Variants in CNTN3 observed in about 807,000 individuals in gnomAD.
CNTN3 encodes contactin 3.
A neutral mutation model predicts 119.1 loss-of-function variants in CNTN3; 60 were observed. The observed-to-expected ratio is 0.50, with a 90% CI of 0.41 to 0.62. The LOEUF (loss-of-function observed/expected upper bound fraction) is 0.62, where lower values mean the gene tolerates loss of function less well. CNTN3 is among the 20% of genes least tolerant of loss of function. The pLI is 0.00. For missense variants in CNTN3, 1,101 were observed against 1,242.4 expected (o/e 0.89, Z 1.71); for synonymous variants, 450 against 438.7 (o/e 1.03, Z -0.32).
At chr3:74,586,489 C>G (rs1251124608) in intron 1 of CNTN3, among the ~76,000 whole-genome samples, 2 of 152,070 alleles carry the variant, frequency 1.3e-5, no homozygotes, top group African/African-American at 4.8e-5. Context: ...TTAAGAAACT[C>G]TATCAAGTGA....
At chr3:74,434,391 T>C (rs1701833132) in intron 4 of CNTN3, among the ~76,000 whole-genome samples, 1 of 152,216 alleles carries the variant, frequency 6.6e-6, no homozygotes, top group Non-Finnish European at 1.5e-5. Context: ...CTCTCTTTTG[T>C]CTTCCTTACA....
rs932165629 is a variant in CNTN3 at position 74,433,399 on chromosome 3, C to G, written c.359-8459G>C. On this transcript the variant is annotated intron_variant, in intron 4 of 22. Transcript: ENST00000263665. The stretch of plus-strand genomic sequence containing the variant: ...TTTTTCCTTAAGCCTGAGCCTTTTG[C>G]GAGATTTTAAAACAGGTGTGCATTG... 3.3e-5 allele frequency among the ~76,000 whole-genome samples: 5 copies of G among 152,028 alleles called. No homozygotes were observed. The East Asian group carries it at 7.7e-4, about 23-fold the overall frequency.
intron 11 of CNTN3, among the ~76,000 whole-genome samples, chr3:74,349,313 T>C (rs1347138041): frequency 2.0e-5 from 3 of 152,164 alleles, no homozygotes; most frequent in African/African-American, 7.2e-5. Context: ...ATGATACTAC[T>C]GAATATATAA....
At chr3:74,606,907 C>T (rs545946206) in intron 1 of CNTN3, among the ~76,000 whole-genome samples, 1 of 152,168 alleles carries the variant, frequency 6.6e-6, no homozygotes, top group African/African-American at 2.4e-5. Flanking sequence ...GAAACAACAG[C>T]GCAATACATT....
At chr3:74,574,104 T>C (rs1704376725) in intron 1 of CNTN3, among the ~76,000 whole-genome samples, 2 of 152,228 alleles carry the variant, frequency 1.3e-5, no homozygotes, top group Non-Finnish European at 2.9e-5. Context: ...AAATGGAATA[T>C]TATTCAGCCA....
chr3:74,547,711 G>A (rs1703935014), intron 1 of CNTN3, among the ~76,000 whole-genome samples: 1 of 152,052 alleles, frequency 6.6e-6, no homozygotes, highest in East Asian at 1.9e-4. Flanking sequence ...GTACACTATA[G>A]ATATTAATTC....
intron 11 of CNTN3, among the ~76,000 whole-genome samples, chr3:74,342,923 C>T (rs751383837): frequency 3.9e-5 from 6 of 152,082 alleles, no homozygotes; most frequent in Non-Finnish European, 8.8e-5. Context: ...AATACTCAGA[C>T]GCACGAAGTA....
intron 4 of CNTN3, among the ~76,000 whole-genome samples, chr3:74,461,196 C>T (rs1023540406): frequency 6.6e-6 from 1 of 151,628 alleles, no homozygotes; most frequent in Non-Finnish European, 1.5e-5. Flanking sequence ...TGGGATAAAC[C>T]CTATTTGAAC....
At chr3:74,329,018 A>C (rs188047913) in intron 13 of CNTN3, among the ~76,000 whole-genome samples, 4 of 152,320 alleles carry the variant, frequency 2.6e-5, no homozygotes, top group Admixed American at 2.6e-4. Context: ...TTGGGGAATG[A>C]GTGCTTTCCT....
rs375507193 is a variant in CNTN3, at chr3:74,285,509, C to A, written c.2518-18G>T. 8 of 1,588,540 alleles carry A rather than the reference C, an allele frequency of 5.0e-6. No individual in the cohort carries two copies. The highest frequency in any genetic ancestry group is 1.7e-4 in the Middle Eastern group (1 of 5,908). ...TACCGCACCTGGTGGGCGGAAGACA[C>A]CAAACATGTGAAGGCTTAAAAAATT... On this transcript the variant is annotated intron_variant, in intron 19 of 22. Coordinates refer to ENST00000263665, the MANE Select transcript of CNTN3 (RefSeq NM_020872.3).
At chr3:74,421,386 T>G (rs1044135607) in intron 5 of CNTN3, among the ~76,000 whole-genome samples, 1 of 152,150 alleles carries the variant, frequency 6.6e-6, no homozygotes, top group Middle Eastern at 3.4e-3. Flanking sequence ...CCCAGGCTGG[T>G]CTTGAACTCC....
intron 14 of CNTN3, 37 bp from the exon 15 acceptor site, chr3:74,301,842 T>A (rs780867561): frequency 6.2e-7 from 1 of 1,602,142 alleles, no homozygotes; most frequent in Admixed American, 1.7e-5. Flanking sequence ...GAGTAGCAGT[T>A]CCATAAATGT....
intron 13 of CNTN3, among the ~76,000 whole-genome samples, chr3:74,333,574 G>A (rs1448126635): frequency 6.6e-6 from 1 of 152,094 alleles, no homozygotes; most frequent in Non-Finnish European, 1.5e-5. Context: ...TTTTTATAAG[G>A]ACAACAGTTA....
chr3:74,388,955 C>T (rs187300378), intron 5 of CNTN3, among the ~76,000 whole-genome samples: 1 of 152,056 alleles, frequency 6.6e-6, no homozygotes, highest in Non-Finnish European at 1.5e-5. Flanking sequence ...TATTAGAGAT[C>T]GATACACGTA....
intron 3 of CNTN3, among the ~76,000 whole-genome samples, chr3:74,498,335 T>C (rs1287182451): frequency 6.6e-6 from 1 of 151,890 alleles, no homozygotes; most frequent in Non-Finnish European, 1.5e-5. Flanking sequence ...ATGTTGCATA[T>C]GCTTATGTCT....
intron 5 of CNTN3, among the ~76,000 whole-genome samples, chr3:74,396,746 GAAA>G (rs61397069): frequency 4.0e-5 from 4 of 98,816 alleles, no homozygotes; most frequent in Admixed American, 1.3e-4. Context: ...TTCCGCCTCA[GAAA>G]AAAAAAAAAA....
chr3:74,264,712 G>C (rs1701635312), intron 22 of CNTN3, among the ~76,000 whole-genome samples: 1 of 152,064 alleles, frequency 6.6e-6, no homozygotes, highest in Admixed American at 6.6e-5. Flanking sequence ...CTCCAAAACT[G>C]TGAGAATTAA....
intron 1 of CNTN3, among the ~76,000 whole-genome samples, chr3:74,551,799 T>C: frequency 7.1e-6 from 1 of 141,372 alleles, no homozygotes; most frequent in Non-Finnish European, 1.5e-5. Context: ...AGTCCTGCTC[T>C]GTTGCCCAGG....
At chr3:74,610,703 A>C (rs1705066729) in intron 1 of CNTN3, among the ~76,000 whole-genome samples, 2 of 152,208 alleles carry the variant, frequency 1.3e-5, no homozygotes, top group African/African-American at 4.8e-5. Context: ...TGGGGGAAGA[A>C]GTACGAAAGG....
Sources: allele counts gnomAD v4.1 joint callset (sites outside exome capture counted in the v4.1 genomes callset), GRCh38; gene constraint gnomAD v4.1.1; transcripts MANE v1.5; gene names NCBI Gene and HGNC (gene_info 2026-07-23, HGNC 2026-07-21).